DPYD: variants seen among roughly 807,000 people sequenced by gnomAD.
The protein encoded by DPYD is dihydropyrimidine dehydrogenase [NADP(+)].
A neutral mutation model predicts 116.2 loss-of-function variants in DPYD; 109 were observed. The observed-to-expected ratio is 0.94, with a 90% CI of 0.80 to 1.10. The LOEUF (loss-of-function observed/expected upper bound fraction) is 1.10. DPYD is among the 50% of genes least tolerant of loss of function. The pLI is 0.00. For missense variants in DPYD, 1,302 were observed against 1,254.5 expected, an observed-to-expected ratio of 1.04 and a Z score of -0.57; for synonymous variants, 440 against 432.0, an observed-to-expected ratio of 1.02 and a Z score of -0.23.
intron 11 of DPYD, among the ~76,000 whole-genome samples, chr1:97,566,412 T>A (rs1652523895): frequency 6.6e-6 from 1 of 152,178 alleles, no homozygotes. Flanking sequence ...AAAATCCTAA[T>A]GCAAGTTATT....
chr1:97,296,268 G>T (rs753628698), intron 18 of DPYD: 1 of 152,072 alleles, frequency 6.6e-6, no homozygotes. Flanking sequence ...AAAATAGAAA[G>T]AGCAAGTCAT....
chr1:97,250,324 A>T (rs1663003513), intron 18 of DPYD, among the ~76,000 whole-genome samples: 1 of 152,144 alleles, frequency 6.6e-6, no homozygotes, highest in African/African-American at 2.4e-5. Context: ...ACTTTGGATA[A>T]TTGTTTGACA....
At chr1:97,832,327 T>G (rs1317397467) in intron 2 of DPYD, among the ~76,000 whole-genome samples, 1 of 151,802 alleles carries the variant, frequency 6.6e-6, no homozygotes, top group Non-Finnish European at 1.5e-5. Context: ...TCCTCGCGAG[T>G]CCGCTTCTAA....
intron 19 of DPYD, among the ~76,000 whole-genome samples, chr1:97,227,979 C>T (rs570987100): frequency 1.1e-4 from 17 of 151,966 alleles, no homozygotes; most frequent in African/African-American, 3.9e-4. Context: ...CTAGGATTTA[C>T]AACCATCATT....
At chr1:97,244,261 A>G (rs1662565915) in intron 18 of DPYD, among the ~76,000 whole-genome samples, 1 of 152,054 alleles carries the variant, frequency 6.6e-6, no homozygotes, top group Non-Finnish European at 1.5e-5. Context: ...AATTGCCATG[A>G]AATGCCCTGA....
intron 3 of DPYD, among the ~76,000 whole-genome samples, chr1:97,769,756 A>G (rs928917336): frequency 6.6e-6 from 1 of 152,228 alleles, no homozygotes; most frequent in African/African-American, 2.4e-5. Flanking sequence ...TTTAAAAATC[A>G]CTGTCCAAAG....
At chr1:97,144,101 G>C (rs1654436949) in intron 20 of DPYD, among the ~76,000 whole-genome samples, 1 of 152,166 alleles carries the variant, frequency 6.6e-6, no homozygotes, top group Non-Finnish European at 1.5e-5. Flanking sequence ...TCAATGCTCA[G>C]ATCCTGAAAA....
chr1:97,172,113 C>G (rs928642869), intron 20 of DPYD, among the ~76,000 whole-genome samples: 1 of 152,098 alleles, frequency 6.6e-6, no homozygotes, highest in Non-Finnish European at 1.5e-5. Context: ...GGTTTTCCAT[C>G]CCACAGAATT....
chr1:97,404,718 G>C (rs1222642853), intron 14 of DPYD, among the ~76,000 whole-genome samples: 1 of 151,910 alleles, frequency 6.6e-6, no homozygotes, highest in African/African-American at 2.4e-5. Flanking sequence ...ACATAGGTGG[G>C]TTTTTAAATC....
intron 11 of DPYD, among the ~76,000 whole-genome samples, chr1:97,569,192 C>T (rs550934487): frequency 1.4e-4 from 21 of 151,768 alleles, no homozygotes; most frequent in South Asian, 6.2e-4. Context: ...CTTACTAATG[C>T]AAAACTAACA....
chr1:97,155,417 C>T (rs1012162818), intron 20 of DPYD, among the ~76,000 whole-genome samples: 17 of 152,056 alleles, frequency 1.1e-4, no homozygotes, highest in Admixed American at 5.9e-4. Flanking sequence ...TCCAAATATT[C>T]TCTCTGAATT....
chr1:97,520,826 TA>T (rs765242048), intron 12 of DPYD, among the ~76,000 whole-genome samples: 5 of 152,300 alleles, frequency 3.3e-5, no homozygotes, highest in Admixed American at 1.3e-4. Context: ...GGAGGCTGCG[TA>T]GTATTCCATG....
rs2811202 is a variant in DPYD at position 97,594,925 on chromosome 1, A to C, written c.958+134T>G. ...TGTTATACCCGGCCTTTTTTTTTTT[A>C]ATTTTACATTTGGGTCTTAGGCAAG... On this transcript the variant is annotated intron_variant, in intron 9 of 22. Transcript: ENST00000370192. The C allele has an allele frequency of 0.1, 50,653 of 502,600 alleles. 3,298 individuals carry two copies. The highest frequency in any genetic ancestry group is 0.2 in the African/African-American group (9,666 of 48,814). The allele number at this position is 502,600 out of a possible 1,614,324, so 31.1% of individuals were successfully genotyped here.
chr1:97,198,380 A>C (rs1021560792), intron 19 of DPYD, among the ~76,000 whole-genome samples: 1 of 152,198 alleles, frequency 6.6e-6, no homozygotes, highest in African/African-American at 2.4e-5. Context: ...CACTACTTAT[A>C]ATAAGAAGTC....
intron 13 of DPYD, among the ~76,000 whole-genome samples, chr1:97,497,470 G>A (rs1218259563): frequency 1.3e-5 from 2 of 151,570 alleles, no homozygotes; most frequent in Non-Finnish European, 3.0e-5. Context: ...CTGAATAAGG[G>A]GAAAAAAATA....
At chr1:97,242,168 A>ATC (rs1662416050) in intron 18 of DPYD, among the ~76,000 whole-genome samples, 1 of 113,636 alleles carries the variant, frequency 8.8e-6, no homozygotes, top group Non-Finnish European at 1.8e-5. Context: ...ATATATATAT[A>ATC]TATCTTCTAA....
chr1:97,323,680 ACAT>A (rs1192559465), intron 16 of DPYD, among the ~76,000 whole-genome samples: 1 of 86,178 alleles, frequency 1.2e-5, no homozygotes, highest in Non-Finnish European at 2.5e-5. Flanking sequence ...TCATATATAT[ACAT>A]ATATGTGTAT....
chr1:97,468,082 C>A (rs568862213), intron 13 of DPYD, among the ~76,000 whole-genome samples: 46 of 152,282 alleles, frequency 3.0e-4, no homozygotes, highest in African/African-American at 9.9e-4. Flanking sequence ...GCTATTGTCA[C>A]AGGAAGGTAG....
chr1:97,443,615 T>C (rs1675921626), intron 14 of DPYD, among the ~76,000 whole-genome samples: 1 of 152,234 alleles, frequency 6.6e-6, no homozygotes, highest in African/African-American at 2.4e-5. Context: ...GAATATCCTC[T>C]TTGGGGTACA....
Sources: allele counts gnomAD v4.1 joint callset (sites outside exome capture counted in the v4.1 genomes callset), GRCh38; gene constraint gnomAD v4.1.1; transcripts MANE v1.5; gene names NCBI Gene and HGNC (gene_info 2026-07-23, HGNC 2026-07-21).